STAT4: variants seen among roughly 807,000 people sequenced by gnomAD.
STAT4 encodes signal transducer and activator of transcription 4.
In STAT4, 42 loss-of-function variants were observed where a neutral mutation model predicts 110.5. That is an observed-to-expected ratio of 0.38 (90% CI 0.30 to 0.49). The LOEUF is 0.49. Ranked by LOEUF, STAT4 falls within the 20% of genes least tolerant of loss-of-function variation. STAT4 has a pLI of 0.95. For synonymous variants in STAT4, 284 were observed against 302.2 expected, an observed-to-expected ratio of 0.94 and a Z score of 0.63; for missense variants, 632 against 887.9, an observed-to-expected ratio of 0.71 and a Z score of 3.66.
chr2:191,119,688 T>A (rs1361239403), intron 3 of STAT4, among the ~76,000 whole-genome samples: 1 of 152,204 alleles, frequency 6.6e-6, no homozygotes, highest in Non-Finnish European at 1.5e-5. Flanking sequence ...CTAATATTTA[T>A]ATGAAAATTC....
intron 18 of STAT4, among the ~76,000 whole-genome samples, 179 bp from the exon 19 acceptor site, chr2:191,034,184 A>G (rs1280481803): frequency 2.0e-5 from 3 of 152,144 alleles, no homozygotes; most frequent in Admixed American, 2.0e-4. Flanking sequence ...GCACTTTGGG[A>G]GGCCAAGGCG....
intron 3 of STAT4, among the ~76,000 whole-genome samples, chr2:191,080,704 G>T (rs1257966244): frequency 6.6e-6 from 1 of 152,108 alleles, no homozygotes; most frequent in African/African-American, 2.4e-5. Flanking sequence ...TTTTCAGGCA[G>T]ATGTCCATGG....
rs1696488512 is a variant in STAT4, at chr2:191,050,417, T to A, written c.1251+4073A>T. 6.6e-6 allele frequency among the ~76,000 whole-genome samples: 1 copy of A among 152,236 alleles called. No individual in the cohort carries two copies. Among genetic ancestry groups the A allele is most frequent in the Non-Finnish European group, 1.5e-5 (1 of 68,042 alleles). ...AGGCAGTGATTGCTAAAGTTGATTT[T>A]ATGATAGCGTGTCTACAGATTCCTC... On this transcript the variant is annotated intron_variant, in intron 14 of 23. Coordinates refer to ENST00000392320, the MANE Select transcript of STAT4 (RefSeq NM_003151.4). This position sits in a 1 kb window ranked among gnomAD's most constrained non-coding sequence, Gnocchi z 4.3.
rs1314262102 is a variant in STAT4 at position 191,066,387 on chromosome 2, G to A, written c.630+43C>T. 1.3e-6 allele frequency: 2 copies of A among 1,531,482 alleles called. No individual in the cohort carries two copies. The highest frequency in any genetic ancestry group is 9.0e-7 in the Non-Finnish European group (1 of 1,107,508). 94.9% of individuals were successfully genotyped at this position (1,531,482 alleles called of 1,614,324 possible). A position where few individuals can be genotyped will look rare whatever the true frequency, so the allele number is the denominator to read the frequency against. The stretch of plus-strand genomic sequence containing the variant: ...TCAGTTAGTCTAAGTTTAGAAAAAA[G>A]GAGAAAAATAGGCAAAAGCCCAAAT... On this transcript the variant is annotated intron_variant, in intron 7 of 23. Coordinates refer to ENST00000392320, the MANE Select transcript of STAT4 (RefSeq NM_003151.4). This position sits in a 1 kb window ranked among gnomAD's most constrained non-coding sequence, Gnocchi z 4.3.
At chr2:191,105,180 G>A (rs1308129971) in intron 3 of STAT4, among the ~76,000 whole-genome samples, 1 of 152,168 alleles carries the variant, frequency 6.6e-6, no homozygotes, top group East Asian at 1.9e-4. Flanking sequence ...CTCCTTTGTA[G>A]CCTGGCTTGT....
intron 3 of STAT4, among the ~76,000 whole-genome samples, chr2:191,076,952 A>G (rs542455160): frequency 6.6e-6 from 1 of 152,222 alleles, no homozygotes; most frequent in East Asian, 1.9e-4. Context: ...ATAAATTATC[A>G]TGAATGAGGT....
At chr2:191,065,028 C>T in intron 7 of STAT4, 70 bp from the exon 8 acceptor site, 3 of 1,407,994 alleles carry the variant, frequency 2.1e-6, no homozygotes, top group Non-Finnish European at 2.8e-6. Context: ...ATTTACAAAA[C>T]TATTTGACCT....
At chr2:191,044,169 A>C (rs1230323310) in intron 14 of STAT4, among the ~76,000 whole-genome samples, 1 of 152,192 alleles carries the variant, frequency 6.6e-6, no homozygotes, top group Non-Finnish European at 1.5e-5. Flanking sequence ...TAATACAAGA[A>C]AACTTCTCAA....
chr2:191,105,785 C>A (rs1021896824), intron 3 of STAT4, among the ~76,000 whole-genome samples: 1 of 152,200 alleles, frequency 6.6e-6, no homozygotes, highest in African/African-American at 2.4e-5. Flanking sequence ...AATTATCTGG[C>A]TTGGTCAGAT....
Position 191,032,922 on chromosome 2 carries a change from A to G in STAT4, c.2044+36T>C. 6.4e-7 allele frequency: 1 copy of G among 1,562,426 alleles called. No homozygotes were observed. Among genetic ancestry groups the G allele is most frequent in the Non-Finnish European group, 8.6e-7 (1 of 1,156,632 alleles). ...TATGAGGTTATTTTCCAAAATCTTA[A>G]GGAAAAAAAAACAAAAACAAACAGA... On this transcript the variant is annotated intron_variant, in intron 21 of 23. Transcript: ENST00000392320. This position sits in a 1 kb window ranked among gnomAD's most constrained non-coding sequence, Gnocchi z 4.9.
Position 191,038,782 on chromosome 2 carries a change from T to G in STAT4, c.1434+417A>C, listed in dbSNP as rs1696111485. 1.3e-5 allele frequency among the ~76,000 whole-genome samples: 2 copies of G among 152,196 alleles called. 1 individual carries two copies. The highest frequency in any genetic ancestry group is 4.1e-4 in the South Asian group (2 of 4,824). On this transcript the variant is annotated intron_variant, in intron 16 of 23. Coordinates refer to ENST00000392320, the MANE Select transcript of STAT4 (RefSeq NM_003151.4). ...CTGTCAGAATACGATTAGGCAAGAT[T>G]GATGAATATTCTACTTACTTACTTG...
At chr2:191,040,855 C>T (rs1696177001) in intron 15 of STAT4, among the ~76,000 whole-genome samples, 1 of 152,204 alleles carries the variant, frequency 6.6e-6, no homozygotes, top group East Asian at 1.9e-4. Context: ...TGAGCCACTG[C>T]ACCCAGCTAC....
rs1699167715 is a variant in STAT4, at chr2:191,135,955, T to C, written c.273+10658A>G. Among the ~76,000 whole-genome samples, 1 of 144,722 alleles carries C rather than the reference T, an allele frequency of 6.9e-6. No homozygotes were observed. Among genetic ancestry groups the C allele is most frequent in the African/African-American group, 2.6e-5 (1 of 38,236 alleles). The allele number at this position is 144,722 out of a possible 152,430, so 94.9% of individuals were successfully genotyped here. On this transcript the variant is annotated intron_variant, in intron 3 of 23. Coordinates refer to ENST00000392320, the MANE Select transcript of STAT4 (RefSeq NM_003151.4). The surrounding 1 kb of genome is among the most constrained non-coding windows in gnomAD (Gnocchi z 4.8). Reference sequence around the variant, plus strand: ...GGCCAATATCCCTGATGAATACTGATGCAAAATTTGTCAACAAAATACTAG... The same window carrying C: ...GGCCAATATCCCTGATGAATACTGACGCAAAATTTGTCAACAAAATACTAG...
chr2:191,035,430 A>T lies in STAT4; in HGVS notation c.1570+734T>A, dbSNP rs3024888. On this transcript the variant is annotated intron_variant, in intron 17 of 23. Transcript: ENST00000392320. This position sits in a 1 kb window ranked among gnomAD's most constrained non-coding sequence, Gnocchi z 4.7. ...TCAAGCTTAAATCACACATGATTCT[A>T]CTTCTGCACAAATGGATCTTTGGCC... 1.1e-4 allele frequency among the ~76,000 whole-genome samples: 17 copies of T among 152,358 alleles called. No homozygotes were observed. The highest frequency in any genetic ancestry group is 3.4e-3 in the Middle Eastern group (1 of 294).
intron 3 of STAT4, among the ~76,000 whole-genome samples, chr2:191,128,673 T>C (rs1698949243): frequency 6.6e-6 from 1 of 151,616 alleles, no homozygotes; most frequent in Admixed American, 6.6e-5. Flanking sequence ...GTTCAGAGAG[T>C]AGAATATGTG....
intron 3 of STAT4, among the ~76,000 whole-genome samples, chr2:191,122,822 T>C (rs1269460524): frequency 1.3e-5 from 2 of 152,218 alleles, no homozygotes; most frequent in African/African-American, 4.8e-5. Flanking sequence ...TCTACAGTGA[T>C]GTAAGAATAG....
Position 191,030,771 on chromosome 2 carries a change from C to A in STAT4, c.2220+201G>T. The A allele has an allele frequency of 2.0e-6, 1 of 512,524 alleles. No homozygotes were observed. The highest frequency in any genetic ancestry group is 2.2e-5 in the South Asian group (1 of 44,494). The allele number at this position is 512,524 out of a possible 1,614,324, so 31.7% of individuals were successfully genotyped here. On this transcript the variant is annotated intron_variant, in intron 23 of 23. Transcript: ENST00000392320. The surrounding 1 kb of genome is among the most constrained non-coding windows in gnomAD (Gnocchi z 4.4). The stretch of plus-strand genomic sequence containing the variant: ...AAACAACGTAAAGCAGTTTAAGTAA[C>A]TGAAGGTGTCTGCTTTCAATACGCA...
intron 3 of STAT4, among the ~76,000 whole-genome samples, chr2:191,094,072 A>G (rs113422920): frequency 0.018 from 2,793 of 152,336 alleles, 95 homozygotes; most frequent in African/African-American, 0.064. Flanking sequence ...AAAGCCTCCA[A>G]GAAATATGGG....
At position 191,113,445 on chromosome 2, in the gene STAT4, G is replaced by C. The variant is rs1310489205; in HGVS notation, c.273+33168C>G. Among the ~76,000 whole-genome samples, 1 of 152,204 alleles carries C rather than the reference G, an allele frequency of 6.6e-6. No homozygotes were observed. Among genetic ancestry groups the C allele is most frequent in the Non-Finnish European group, 1.5e-5 (1 of 68,048 alleles). On this transcript the variant is annotated intron_variant, in intron 3 of 23. Transcript: ENST00000392320. The surrounding 1 kb of genome is among the most constrained non-coding windows in gnomAD (Gnocchi z 4.8). ...ACTTTTTCAAATTTATTGGATTGAA[G>C]AGAAGGAAAAGTGCTGAATTTGACA...
Sources: gnomAD v4.1 joint callset for allele counts (sites outside exome capture counted in the v4.1 genomes callset) on GRCh38, gnomAD v4.1.1 for gene constraint, Gnocchi (gnomAD v3.1) non-coding constraint, MANE v1.5 for transcripts, NCBI Gene and HGNC (gene_info 2026-07-23, HGNC 2026-07-21) for gene names.